Variants in BCAT1 observed in about 807,000 individuals in gnomAD.
The protein encoded by BCAT1 is branched chain amino acid transaminase 1, also known as branched-chain-amino-acid aminotransferase, cytosolic.
In BCAT1, 48 loss-of-function variants were observed where a neutral mutation model predicts 52.4. The observed-to-expected ratio is 0.92, with a 90% confidence interval of 0.73 to 1.16. The LOEUF (loss-of-function observed/expected upper bound fraction) is 1.16, where lower values mean the gene tolerates loss of function less well. BCAT1 is among the 50% of genes most tolerant of loss of function. BCAT1 has a pLI of 0.00. For missense variants in BCAT1, 451 were observed against 457.1 expected (o/e 0.99, Z 0.12); for synonymous variants, 167 against 161.3 (o/e 1.04, Z -0.27).
At chr12:24,826,043 C>A (rs931680737) in intron 10 of BCAT1, among the ~76,000 whole-genome samples, 1 of 152,110 alleles carries the variant, frequency 6.6e-6, no homozygotes, top group Non-Finnish European at 1.5e-5. Context: ...GAGACTCCAT[C>A]TCTACAAAAA....
At chr12:24,824,700 T>A (rs1461984594) in intron 10 of BCAT1, among the ~76,000 whole-genome samples, 1 of 152,174 alleles carries the variant, frequency 6.6e-6, no homozygotes, top group Non-Finnish European at 1.5e-5. Flanking sequence ...AAATACTGTA[T>A]AATTTGTTCA....
chr12:24,936,318 T>C (rs1943752205), intron 1 of BCAT1, among the ~76,000 whole-genome samples: 1 of 152,220 alleles, frequency 6.6e-6, no homozygotes, highest in Non-Finnish European at 1.5e-5. Flanking sequence ...CTGCAATCTC[T>C]ACCTCCCGGG....
chr12:24,943,125 C>CA (rs1409236187), intron 1 of BCAT1, among the ~76,000 whole-genome samples: 2 of 152,134 alleles, frequency 1.3e-5, no homozygotes, highest in Non-Finnish European at 2.9e-5. Flanking sequence ...CTTTAATAAC[C>CA]AATAATTTAG....
intron 3 of BCAT1, among the ~76,000 whole-genome samples, chr12:24,890,219 T>G (rs1942798041): frequency 6.6e-6 from 1 of 152,168 alleles, no homozygotes; most frequent in Admixed American, 6.6e-5. Flanking sequence ...TTGTGACTTG[T>G]GTCTGGGCCA....
chr12:24,891,537 T>C (rs1942837294), intron 3 of BCAT1, among the ~76,000 whole-genome samples: 1 of 152,204 alleles, frequency 6.6e-6, no homozygotes, highest in Non-Finnish European at 1.5e-5. Context: ...TGTTACATAG[T>C]GGTAACCATG....
intron 1 of BCAT1, among the ~76,000 whole-genome samples, chr12:24,944,290 T>C (rs1943901669): frequency 6.6e-6 from 1 of 152,202 alleles, no homozygotes; most frequent in African/African-American, 2.4e-5. Flanking sequence ...GTCAAAACAA[T>C]ATAACTTGGT....
intron 5 of BCAT1, among the ~76,000 whole-genome samples, chr12:24,874,484 A>T (rs1942271965): frequency 6.6e-6 from 1 of 152,234 alleles, no homozygotes. Context: ...CAATAATATT[A>T]GACTGTTATA....
intron 1 of BCAT1, among the ~76,000 whole-genome samples, chr12:24,924,167 A>G (rs1203135325): frequency 6.6e-6 from 1 of 152,168 alleles, no homozygotes; most frequent in African/African-American, 2.4e-5. Flanking sequence ...CCAATGATTT[A>G]TTGAAAAATA....
intron 6 of BCAT1, among the ~76,000 whole-genome samples, chr12:24,846,689 T>C (rs1000110117): frequency 6.6e-6 from 1 of 152,218 alleles, no homozygotes; most frequent in African/African-American, 2.4e-5. Context: ...TTTGAAATGC[T>C]CTAAAATCTA....
chr12:24,892,037 G>A (rs192729838), intron 3 of BCAT1, among the ~76,000 whole-genome samples: 6 of 150,152 alleles, frequency 4.0e-5, no homozygotes, highest in Admixed American at 3.3e-4. Context: ...TATTACAGGC[G>A]TGAGCCACCT....
chr12:24,930,192 C>T (rs1251185833), intron 1 of BCAT1, among the ~76,000 whole-genome samples: 1 of 152,208 alleles, frequency 6.6e-6, no homozygotes, highest in African/African-American at 2.4e-5. Context: ...CCTGTGGAGA[C>T]CACTGCCTTG....
At chr12:24,821,738 G>A (rs980788328) in intron 10 of BCAT1, among the ~76,000 whole-genome samples, 1 of 152,170 alleles carries the variant, frequency 6.6e-6, no homozygotes, top group African/African-American at 2.4e-5. Flanking sequence ...AACAGCCCCA[G>A]AGCAGAGAGA....
intron 1 of BCAT1, among the ~76,000 whole-genome samples, chr12:24,916,802 G>A (rs1294992036): frequency 6.6e-6 from 1 of 152,156 alleles, no homozygotes; most frequent in Non-Finnish European, 1.5e-5. Flanking sequence ...CCCTCCCAAG[G>A]TGCTGGGATT....
rs1449253134 is a variant in BCAT1 at position 24,813,129 on chromosome 12, T to C, written c.*4879A>G. The C allele has an allele frequency of 1.3e-5, 2 of 151,990 alleles. No individual in the cohort carries two copies. The highest frequency in any genetic ancestry group is 4.8e-5 in the African/African-American group (2 of 41,426). The allele number at this position is 151,990 out of a possible 1,614,324, so 9.4% of individuals were successfully genotyped here. ...TCATTTTGAAGCAAATATGTTTATATATGTCTGACCCCAGGAAATTATTTA... is the reference window on the plus strand; with the variant it reads ...TCATTTTGAAGCAAATATGTTTATACATGTCTGACCCCAGGAAATTATTTA... On this transcript the variant is annotated 3_prime_UTR_variant, in exon 11 of 11. Coordinates refer to ENST00000261192, the MANE Select transcript of BCAT1 (RefSeq NM_005504.7).
intron 1 of BCAT1, among the ~76,000 whole-genome samples, chr12:24,911,522 T>A (rs1221086343): frequency 6.6e-6 from 1 of 152,236 alleles, no homozygotes; most frequent in Non-Finnish European, 1.5e-5. Context: ...TACAGTTTAA[T>A]CTTTCCCACA....
chr12:24,902,251 T>C (rs960032287), intron 1 of BCAT1: 37 of 1,338,556 alleles, frequency 2.8e-5, no homozygotes, highest in Non-Finnish European at 3.3e-5. Flanking sequence ...AAGCCATTTA[T>C]AGAAAAATCT....
intron 10 of BCAT1, among the ~76,000 whole-genome samples, chr12:24,825,133 GTGTATATA>G (rs902144131): frequency 6.3e-5 from 4 of 63,138 alleles, no homozygotes; most frequent in South Asian, 6.0e-4. Context: ...GTGTGTGTGT[GTGTATATA>G]TATATATATA....
chr12:24,916,517 T>TG (rs1276300495), intron 1 of BCAT1, among the ~76,000 whole-genome samples: 1 of 151,334 alleles, frequency 6.6e-6, no homozygotes, highest in Non-Finnish European at 1.5e-5. Flanking sequence ...TAAGCTCTTT[T>TG]TTTGTTTGTT....
intron 1 of BCAT1, among the ~76,000 whole-genome samples, chr12:24,940,524 T>C (rs1943832580): frequency 6.6e-6 from 1 of 152,210 alleles, no homozygotes; most frequent in Admixed American, 6.5e-5. Context: ...TTTGCTCTAA[T>C]GTTATTGAAT....
Sources: allele counts gnomAD v4.1 joint callset (sites outside exome capture counted in the v4.1 genomes callset), GRCh38; gene constraint gnomAD v4.1.1; transcripts MANE v1.5; gene names NCBI Gene and HGNC (gene_info 2026-07-23, HGNC 2026-07-21).